The following OSBPL2 variants were observed in gnomAD, a reference collection of about 807,000 sequenced individuals.
The protein encoded by OSBPL2 is oxysterol binding protein like 2.
A neutral mutation model predicts 58.4 loss-of-function variants in OSBPL2; 18 were observed. The observed-to-expected ratio is 0.31, with a 90% CI of 0.21 to 0.46. OSBPL2 has a LOEUF of 0.46. Ranked by LOEUF, OSBPL2 falls within the 20% of genes least tolerant of loss-of-function variation. The pLI, the probability that OSBPL2 is intolerant of heterozygous loss-of-function variation, is 1.00. For synonymous variants in OSBPL2, 221 were observed against 234.1 expected (o/e 0.94, Z 0.51); for missense variants, 461 against 616.5 (o/e 0.75, Z 2.67).
At chr20:62,238,778 G>T (rs1445836790) in intron 1 of OSBPL2, among the ~76,000 whole-genome samples, 181 bp downstream of exon 1, 7 of 151,364 alleles carry the variant, frequency 4.6e-5, no homozygotes, top group African/African-American at 1.7e-4. Context: ...TGGGAGGCGC[G>T]CCCGGCCTAG....
intron 1 of OSBPL2, among the ~76,000 whole-genome samples, chr20:62,241,168 T>C (rs1979702615): frequency 6.6e-6 from 1 of 151,852 alleles, no homozygotes; most frequent in African/African-American, 2.4e-5. Flanking sequence ...AGCAGATGGG[T>C]CTTGGAATTT....
intron 1 of OSBPL2, among the ~76,000 whole-genome samples, chr20:62,252,695 C>A (rs117751037): frequency 6.6e-6 from 1 of 152,186 alleles, no homozygotes; most frequent in Admixed American, 6.5e-5. Context: ...AAGGAAAGGT[C>A]GTTTAATTAG....
At chr20:62,253,143 A>G (rs1207225999) in intron 1 of OSBPL2, among the ~76,000 whole-genome samples, 2 of 152,250 alleles carry the variant, frequency 1.3e-5, no homozygotes, top group East Asian at 3.8e-4. Context: ...CAGTGCCTGG[A>G]TGTGTGAATT....
chr20:62,248,172 T>C (rs1319174324), intron 1 of OSBPL2, among the ~76,000 whole-genome samples: 2 of 62,896 alleles, frequency 3.2e-5, no homozygotes, highest in African/African-American at 6.1e-5. Flanking sequence ...TTTTTTTTTT[T>C]GTGACAGGGT....
At chr20:62,268,788 T>C (rs1395359553) in intron 4 of OSBPL2, among the ~76,000 whole-genome samples, 1 of 152,156 alleles carries the variant, frequency 6.6e-6, no homozygotes, top group Non-Finnish European at 1.5e-5. Context: ...TTTTTGGCAG[T>C]GGCTCACGCC....
intron 1 of OSBPL2, among the ~76,000 whole-genome samples, chr20:62,249,330 G>A (rs564425355): frequency 2.6e-5 from 4 of 152,310 alleles, no homozygotes; most frequent in African/African-American, 7.2e-5. Context: ...AAAGGGAGAA[G>A]TTGAACAGAA....
chr20:62,262,404 A>G (rs375359906), intron 3 of OSBPL2, among the ~76,000 whole-genome samples: 1 of 152,018 alleles, frequency 6.6e-6, no homozygotes, highest in East Asian at 1.9e-4. Flanking sequence ...TGTTGTTCCT[A>G]CGCATCCCAT....
intron 7 of OSBPL2, among the ~76,000 whole-genome samples, chr20:62,280,771 C>T (rs1026774780): frequency 2.0e-5 from 3 of 152,236 alleles, no homozygotes; most frequent in South Asian, 2.1e-4. Flanking sequence ...TTTCTTTTGA[C>T]GACTTCACAG....
intron 13 of OSBPL2, among the ~76,000 whole-genome samples, chr20:62,292,417 G>A (rs1267743483): frequency 6.6e-6 from 1 of 152,232 alleles, no homozygotes; most frequent in Non-Finnish European, 1.5e-5. Context: ...GTGCCGTGGC[G>A]TCTGTGCACA....
Position 62,272,163 on chromosome 20 carries a change from G to A in OSBPL2, c.297G>A (p.Glu99=), listed in dbSNP as rs756105980. The A allele has an allele frequency of 6.2e-7, 1 of 1,613,896 alleles. No individual in the cohort carries two copies. Among genetic ancestry groups the A allele is most frequent in the Non-Finnish European group, 8.5e-7 (1 of 1,179,964 alleles). ...SKITMPIAFN[E]PLSFLQRITE... ...TCACGATGCCAATCGCCTTCAACGA[G>A]CCTCTGAGCTTCTTGCAGCGGATCA... The change falls in exon 5 of 14, where the codon GAG becomes GAA. Residue 99 remains glutamate, a synonymous_variant. Coordinates refer to ENST00000313733, the MANE Select transcript of OSBPL2 (RefSeq NM_144498.4).
At chr20:62,258,061 C>T (rs1295960179) in intron 2 of OSBPL2, among the ~76,000 whole-genome samples, 3 of 152,114 alleles carry the variant, frequency 2.0e-5, no homozygotes, top group African/African-American at 7.2e-5. Context: ...CCAGGGTTCC[C>T]AGCTGTGTGT....
In OSBPL2 at chr20:62,288,576, G is replaced by C. The variant is rs541120308; in HGVS notation, c.1126-631G>C. 6.6e-6 allele frequency among the ~76,000 whole-genome samples: 1 copy of C among 151,394 alleles called. No individual in the cohort carries two copies. Among genetic ancestry groups the C allele is most frequent in the East Asian group, 1.9e-4 (1 of 5,130 alleles). Reference sequence around the variant, plus strand: ...GCAGAGGCCGGAGGCTGTGGGTGCAGAGGCTGGGAGGCTGTGGGTGCAGAG... The same window carrying C: ...GCAGAGGCCGGAGGCTGTGGGTGCACAGGCTGGGAGGCTGTGGGTGCAGAG... On this transcript the variant is annotated intron_variant, in intron 11 of 13. Transcript: ENST00000313733. This position sits in a 1 kb window ranked among gnomAD's most constrained non-coding sequence, Gnocchi z 4.8.
At chr20:62,244,974 CAG>C (rs1403295471) in intron 1 of OSBPL2, among the ~76,000 whole-genome samples, 3 of 152,258 alleles carry the variant, frequency 2.0e-5, no homozygotes, top group African/African-American at 7.2e-5. Flanking sequence ...TGGACTGATG[CAG>C]AGTCCTCATG....
At chr20:62,256,294 C>A in intron 2 of OSBPL2, 73 bp downstream of exon 2, 9 of 1,395,450 alleles carry the variant, frequency 6.4e-6, no homozygotes, top group Non-Finnish European at 8.1e-6. Flanking sequence ...TTGGACCTGG[C>A]GTTTGGGGTG....
intron 8 of OSBPL2, 190 bp downstream of exon 8, chr20:62,281,355 G>A (rs953070468): frequency 1.7e-5 from 10 of 572,988 alleles, no homozygotes; most frequent in Non-Finnish European, 2.2e-5. Flanking sequence ...AATGCTCCTC[G>A]TTCAAGACCT....
intron 13 of OSBPL2, among the ~76,000 whole-genome samples, chr20:62,292,184 T>G (rs912606776): frequency 2.0e-5 from 3 of 152,210 alleles, no homozygotes; most frequent in African/African-American, 4.8e-5. Flanking sequence ...GTGGCAAAGT[T>G]AAAGAGAAAA....
intron 1 of OSBPL2, among the ~76,000 whole-genome samples, chr20:62,242,898 G>C (rs1037587589): frequency 2.6e-5 from 4 of 152,204 alleles, no homozygotes; most frequent in African/African-American, 9.7e-5. Flanking sequence ...GTAGGGAGTT[G>C]TGTGGAGTTT....
rs1981933981 is a variant in OSBPL2 at position 62,269,798 on chromosome 20, C to G, written c.259-2327C>G. Among the ~76,000 whole-genome samples, 1 of 152,256 alleles carries G rather than the reference C, an allele frequency of 6.6e-6. No individual in the cohort carries two copies. Among genetic ancestry groups the G allele is most frequent in the Non-Finnish European group, 1.5e-5 (1 of 68,036 alleles). ...CGAGCTCTGATCACAAGGGTCACCT[C>G]TCTTCCTGCTTTCCTCGGCAGCCAC... On this transcript the variant is annotated intron_variant, in intron 4 of 13. Transcript: ENST00000313733. The surrounding 1 kb of genome is among the most constrained non-coding windows in gnomAD (Gnocchi z 4.2).
At chr20:62,244,417 C>T (rs962077812) in intron 1 of OSBPL2, among the ~76,000 whole-genome samples, 5 of 152,228 alleles carry the variant, frequency 3.3e-5, no homozygotes, top group African/African-American at 1.2e-4. Context: ...TTGGAGTGCT[C>T]TCCCTGCCCT....
Sources: gnomAD v4.1 joint callset for allele counts (sites outside exome capture counted in the v4.1 genomes callset) on GRCh38, gnomAD v4.1.1 for gene constraint, Gnocchi (gnomAD v3.1) non-coding constraint, MANE v1.5 for transcripts, NCBI Gene and HGNC (gene_info 2026-07-23, HGNC 2026-07-21) for gene names.